ADGRL4: variants seen among roughly 807,000 people sequenced by gnomAD.
ADGRL4 encodes the protein EGF, latrophilin and seven transmembrane domain containing 1.
Under a neutral mutation model 74.8 loss-of-function variants are expected in ADGRL4, and 90 were observed. The observed-to-expected ratio is 1.20, with a 90% CI of 1.02 to 1.43. The LOEUF (loss-of-function observed/expected upper bound fraction) is 1.43. Ranked by LOEUF, ADGRL4 falls within the 40% of genes most tolerant of loss-of-function variation. The pLI, the probability that ADGRL4 is intolerant of heterozygous loss-of-function variation, is 0.00. For synonymous variants in ADGRL4, 311 were observed against 279.2 expected (o/e 1.11, Z -1.14); for missense variants, 881 against 814.3 (o/e 1.08, Z -1.00).
chr1:78,964,535 G>A (rs957087937), intron 2 of ADGRL4, among the ~76,000 whole-genome samples: 7 of 152,126 alleles, frequency 4.6e-5, no homozygotes, highest in African/African-American at 1.7e-4. Flanking sequence ...TACTTAAAAT[G>A]TTTTTATGTT....
intron 2 of ADGRL4, among the ~76,000 whole-genome samples, chr1:78,967,018 C>T (rs12120090): frequency 0.059 from 9,027 of 151,902 alleles, 287 homozygotes; most frequent in South Asian, 0.099. Flanking sequence ...GCGTTGTGTA[C>T]GTGACATCTG....
chr1:78,931,602 G>C (rs759165046), intron 7 of ADGRL4, among the ~76,000 whole-genome samples: 3 of 151,314 alleles, frequency 2.0e-5, no homozygotes, highest in Non-Finnish European at 2.9e-5. Flanking sequence ...AGTGTAAGTA[G>C]GCTAAATGCC....
chr1:78,915,202 C>A (rs80056888), intron 12 of ADGRL4, among the ~76,000 whole-genome samples: 5,912 of 151,956 alleles, frequency 0.039, 152 homozygotes, highest in Middle Eastern at 0.058. Context: ...TCTGTCCCTG[C>A]TGTTGAAGAA....
At chr1:78,962,489 G>C (rs112027764) in intron 2 of ADGRL4, among the ~76,000 whole-genome samples, 1 of 151,888 alleles carries the variant, frequency 6.6e-6, no homozygotes, top group South Asian at 2.1e-4. Context: ...CTATCCACAC[G>C]ATTTCCCCCT....
At chr1:78,911,996 C>T (rs1009041226) in intron 12 of ADGRL4, among the ~76,000 whole-genome samples, 3 of 151,716 alleles carry the variant, frequency 2.0e-5, no homozygotes, top group African/African-American at 7.3e-5. Context: ...CACATAATTA[C>T]TGAAGACTTA....
At chr1:78,944,867 C>T (rs1649562390) in intron 3 of ADGRL4, among the ~76,000 whole-genome samples, 1 of 152,048 alleles carries the variant, frequency 6.6e-6, no homozygotes, top group Admixed American at 6.6e-5. Flanking sequence ...TTAACACAGA[C>T]ATTTCACAGA....
intron 12 of ADGRL4, 54 bp from the exon 13 acceptor site, chr1:78,893,243 C>T: frequency 9.4e-7 from 1 of 1,061,752 alleles, no homozygotes; most frequent in Admixed American, 2.2e-5. Context: ...AAATTGGATA[C>T]ATATAAAGAA....
chr1:78,954,149 A>AAAAT (rs562969021), intron 2 of ADGRL4, among the ~76,000 whole-genome samples: 184 of 145,816 alleles, frequency 1.3e-3, no homozygotes, highest in East Asian at 0.012. Context: ...TCCATTTCAG[A>AAAAT]AAATAAATAA....
intron 10 of ADGRL4, among the ~76,000 whole-genome samples, chr1:78,919,540 A>G (rs1313231789): frequency 6.6e-6 from 1 of 151,368 alleles, no homozygotes; most frequent in Non-Finnish European, 1.5e-5. Flanking sequence ...GCTTTTGCCC[A>G]CTCTTCTTTT....
rs571401899 is a variant in ADGRL4 at position 78,929,597 on chromosome 1, T to C, written c.878-2506A>G. Among the ~76,000 whole-genome samples the C allele has an allele frequency of 1.8e-4, 27 of 151,754 alleles. 1 individual carries two copies. In the South Asian group the frequency reaches 5.6e-3, roughly 31 times the overall value. On this transcript the variant is annotated intron_variant, in intron 7 of 14. Coordinates refer to ENST00000370742, the MANE Select transcript of ADGRL4 (RefSeq NM_022159.4). Reference sequence around the variant, plus strand: ...ATGGTACTGTTTATGTTTTAAAGAATGCATGTGTTTTATTAACTAATTTTT... The same window carrying C: ...ATGGTACTGTTTATGTTTTAAAGAACGCATGTGTTTTATTAACTAATTTTT...
chr1:78,933,690 C>G (rs1649294017), intron 7 of ADGRL4, among the ~76,000 whole-genome samples: 1 of 151,406 alleles, frequency 6.6e-6, no homozygotes. Flanking sequence ...CCCATCATCT[C>G]AGGCTCAGAA....
intron 3 of ADGRL4, among the ~76,000 whole-genome samples, chr1:78,943,564 T>C (rs1407956987): frequency 1.3e-5 from 2 of 152,314 alleles, no homozygotes; most frequent in African/African-American, 4.8e-5. Context: ...TTTTTATTCA[T>C]AGAGATTTTA....
At chr1:78,990,877 C>T (rs148615524) in intron 2 of ADGRL4, among the ~76,000 whole-genome samples, 105 of 152,028 alleles carry the variant, frequency 6.9e-4, no homozygotes, top group African/African-American at 2.4e-3. Flanking sequence ...ATCCTCCATA[C>T]GGCACCAGGA....
chr1:78,955,606 T>C (rs1333342105), intron 2 of ADGRL4, among the ~76,000 whole-genome samples: 1 of 152,110 alleles, frequency 6.6e-6, no homozygotes, highest in Non-Finnish European at 1.5e-5. Flanking sequence ...TACTTCAGTG[T>C]AAAATGTGAA....
intron 2 of ADGRL4, among the ~76,000 whole-genome samples, chr1:78,958,833 C>A (rs542634848): frequency 1.3e-5 from 2 of 152,258 alleles, no homozygotes; most frequent in Admixed American, 6.5e-5. Context: ...ACAGGGAAAT[C>A]TTTTGTGACA....
In ADGRL4 at chr1:78,903,039, A is replaced by G. The variant is rs375682340; in HGVS notation, c.1750-9850T>C. Among the ~76,000 whole-genome samples, 68 of 152,320 alleles carry G rather than the reference A, an allele frequency of 4.5e-4. No individual in the cohort carries two copies. In the Middle Eastern group the frequency reaches 0.01, roughly 23 times the overall value. ...TACATGAAGAACACATTCGAATTCC[A>G]GCTGATATTTTCCCACGGAAAAATT... On this transcript the variant is annotated intron_variant, in intron 12 of 14. Coordinates refer to ENST00000370742, the MANE Select transcript of ADGRL4 (RefSeq NM_022159.4).
At chr1:79,003,264 A>G (rs1650879612) in intron 2 of ADGRL4, among the ~76,000 whole-genome samples, 2 of 152,088 alleles carry the variant, frequency 1.3e-5, no homozygotes, top group East Asian at 1.9e-4. Flanking sequence ...CCTGACTAAA[A>G]AAAGGTTAAA....
chr1:78,896,526 A>G (rs1648403339), intron 12 of ADGRL4, among the ~76,000 whole-genome samples: 1 of 151,990 alleles, frequency 6.6e-6, no homozygotes, highest in Non-Finnish European at 1.5e-5. Context: ...CAGTCAGTGA[A>G]CTCTTTATTT....
intron 2 of ADGRL4, among the ~76,000 whole-genome samples, chr1:78,994,485 A>G (rs984022904): frequency 1.3e-5 from 2 of 152,182 alleles, no homozygotes; most frequent in African/African-American, 4.8e-5. Flanking sequence ...AGGTTACAAT[A>G]AAAAATAAGA....
Sources: gnomAD v4.1 joint callset for allele counts (sites outside exome capture counted in the v4.1 genomes callset) on GRCh38, gnomAD v4.1.1 for gene constraint, MANE v1.5 for transcripts, NCBI Gene and HGNC (gene_info 2026-07-23, HGNC 2026-07-21) for gene names.